The following L3MBTL4 variants were observed in gnomAD, a reference collection of about 807,000 sequenced individuals.
The protein encoded by L3MBTL4 is lethal(3)malignant brain tumor-like protein 4.
A neutral mutation model predicts 84.5 loss-of-function variants in L3MBTL4; 70 were observed. The observed-to-expected ratio is 0.83, with a 90% CI of 0.68 to 1.01. The LOEUF (loss-of-function observed/expected upper bound fraction) is 1.01. Among genes scored for constraint, L3MBTL4 ranks in the 50% least tolerant of loss-of-function variants. The probability of loss-of-function intolerance (pLI) is 0.00; values close to 1 mark genes in which losing one functional copy is unlikely to be tolerated. For missense variants in L3MBTL4, 715 were observed against 754.8 expected, an observed-to-expected ratio of 0.95 and a Z score of 0.62; for synonymous variants, 274 against 259.8, an observed-to-expected ratio of 1.05 and a Z score of -0.52.
chr18:6,281,124 C>G (rs961832499), intron 4 of L3MBTL4, among the ~76,000 whole-genome samples: 1 of 152,120 alleles, frequency 6.6e-6, no homozygotes, highest in Non-Finnish European at 1.5e-5. Context: ...TTTCCAAATG[C>G]TCAGTAACTG....
rs576638584 is a variant in L3MBTL4 at position 6,171,992 on chromosome 18, T to C, written c.982-50A>G. The C allele has an allele frequency of 1.6e-4, 136 of 851,182 alleles. 1 individual carries two copies. In the South Asian group the frequency reaches 1.6e-3, roughly 10 times the overall value. 52.7% of individuals were successfully genotyped at this position (851,182 alleles called of 1,614,324 possible). A position where few individuals can be genotyped will look rare whatever the true frequency, so the allele number is the denominator to read the frequency against. ...TAGCATTTAGTAATTAGGATTTCAC[T>C]ATTCCTGTATCAAAATATTTGAATA... On this transcript the variant is annotated intron_variant, in intron 12 of 18. Transcript: ENST00000317931.
intron 3 of L3MBTL4, among the ~76,000 whole-genome samples, chr18:6,305,225 G>GA (rs553314399): frequency 4.5e-4 from 68 of 152,298 alleles, no homozygotes; most frequent in African/African-American, 1.6e-3. Context: ...GTAGAGCAGG[G>GA]AAAATGCTGA....
chr18:5,972,876 A>C (rs533176058), intron 16 of L3MBTL4, among the ~76,000 whole-genome samples: 2 of 93,428 alleles, frequency 2.1e-5, no homozygotes, highest in Non-Finnish European at 4.2e-5. Flanking sequence ...ATAGAATAGA[A>C]TAGAATAGAA....
At chr18:6,162,053 A>G (rs1361618387) in intron 13 of L3MBTL4, among the ~76,000 whole-genome samples, 7 of 151,902 alleles carry the variant, frequency 4.6e-5, no homozygotes, top group Non-Finnish European at 1.0e-4. Context: ...AATTTGTTGA[A>G]AAAAGGGAAA....
At chr18:6,022,094 A>C (rs1481043436) in intron 16 of L3MBTL4, among the ~76,000 whole-genome samples, 2 of 152,240 alleles carry the variant, frequency 1.3e-5, no homozygotes, top group African/African-American at 4.8e-5. Flanking sequence ...AGGAAATCTA[A>C]AATTCAGCCT....
At chr18:6,308,213 A>T (rs1305318317) in intron 3 of L3MBTL4, among the ~76,000 whole-genome samples, 3 of 152,196 alleles carry the variant, frequency 2.0e-5, no homozygotes, top group Non-Finnish European at 4.4e-5. Context: ...AACCCTCTTC[A>T]AGTCTGCAGC....
chr18:6,018,790 G>A (rs2055115237), intron 16 of L3MBTL4, among the ~76,000 whole-genome samples: 1 of 152,146 alleles, frequency 6.6e-6, no homozygotes, highest in Admixed American at 6.5e-5. Flanking sequence ...GTTAAGGTCT[G>A]GAAGCAATCA....
chr18:5,960,919 T>C (rs535305842), intron 17 of L3MBTL4: 1 of 152,202 alleles, frequency 6.6e-6, no homozygotes, highest in South Asian at 2.1e-4. Flanking sequence ...ATAGATACCT[T>C]TGGGAAGCCG....
chr18:6,404,470 G>A (rs1281536917), intron 1 of L3MBTL4, among the ~76,000 whole-genome samples: 3 of 152,148 alleles, frequency 2.0e-5, no homozygotes, highest in East Asian at 3.8e-4. Flanking sequence ...CTCGATTTCT[G>A]TTCTGTTCTG....
intron 1 of L3MBTL4, among the ~76,000 whole-genome samples, chr18:6,354,298 A>T (rs11661723): frequency 0.11 from 16,450 of 152,200 alleles, 996 homozygotes; most frequent in Middle Eastern, 0.14. Context: ...CAAATTAAAG[A>T]TTTAAATCTA....
intron 7 of L3MBTL4, among the ~76,000 whole-genome samples, 178 bp from the exon 8 acceptor site, chr18:6,241,627 C>T (rs2047454740): frequency 6.6e-6 from 1 of 152,160 alleles, no homozygotes; most frequent in Non-Finnish European, 1.5e-5. Context: ...ATAAATTCAA[C>T]GTCCTTAGCA....
intron 16 of L3MBTL4, among the ~76,000 whole-genome samples, chr18:5,997,214 T>C (rs2054015155): frequency 6.6e-6 from 1 of 150,622 alleles, no homozygotes; most frequent in Non-Finnish European, 1.5e-5. Flanking sequence ...AAATCTCAGG[T>C]CCCCAAAATC....
chr18:5,956,261 G>T lies in L3MBTL4; in HGVS notation c.1804C>A (p.Pro602Thr), dbSNP rs760051712. ...TGGCCTGAGGCAATATCTTCTTCAG[G>T]GAGTTCCTGGGAATGCCTGAACATC... ...ILMFRHSQEL[P>T]EEDIASGQEV... Residue 602 changes from proline (P) to threonine (T), a missense_variant, in exon 19 of 19, where the codon CCT becomes ACT. Pro to Thr is a conservative substitution (Grantham distance 38, BLOSUM62 -1). Coordinates refer to ENST00000317931, the MANE Select transcript of L3MBTL4 (RefSeq NM_001330559.2). The T allele has an allele frequency of 6.2e-6, 10 of 1,613,906 alleles. No individual in the cohort carries two copies. Among genetic ancestry groups the T allele is most frequent in the Middle Eastern group, 1.7e-4 (1 of 6,060 alleles).
chr18:6,123,248 A>T, intron 14 of L3MBTL4, among the ~76,000 whole-genome samples: 1 of 152,228 alleles, frequency 6.6e-6, no homozygotes. Flanking sequence ...GGAAAAAGTC[A>T]TGTCCAGGCA....
At chr18:6,128,489 G>T (rs916857966) in intron 14 of L3MBTL4, among the ~76,000 whole-genome samples, 2 of 152,092 alleles carry the variant, frequency 1.3e-5, no homozygotes, top group African/African-American at 4.8e-5. Context: ...AGAGGGGAGG[G>T]GAGTGACATG....
chr18:6,117,754 CA>C (rs1193286146), intron 14 of L3MBTL4, among the ~76,000 whole-genome samples: 1 of 151,918 alleles, frequency 6.6e-6, no homozygotes, highest in African/African-American at 2.4e-5. Context: ...TTTGAAGTAT[CA>C]AAAAAAGACA....
chr18:6,064,197 T>C (rs529131024), intron 16 of L3MBTL4, among the ~76,000 whole-genome samples: 5 of 152,242 alleles, frequency 3.3e-5, no homozygotes, highest in African/African-American at 1.2e-4. Flanking sequence ...GGGTTCTCTA[T>C]TCAGTTCCAT....
intron 1 of L3MBTL4, among the ~76,000 whole-genome samples, chr18:6,329,390 C>A (rs1052373043): frequency 1.3e-5 from 2 of 151,780 alleles, no homozygotes; most frequent in South Asian, 4.2e-4. Flanking sequence ...CCTGACCTCA[C>A]GATCCACCCG....
intron 9 of L3MBTL4, among the ~76,000 whole-genome samples, chr18:6,239,272 C>T (rs547757937): frequency 7.0e-6 from 1 of 142,598 alleles, no homozygotes; most frequent in Non-Finnish European, 1.5e-5. Flanking sequence ...ACCCGGGAGG[C>T]GAAGCTTGCA....
Sources: allele counts gnomAD v4.1 joint callset (sites outside exome capture counted in the v4.1 genomes callset), GRCh38; gene constraint gnomAD v4.1.1; transcripts MANE v1.5; gene names NCBI Gene and HGNC (gene_info 2026-07-23, HGNC 2026-07-21).